Variants in SGIP1 observed in about 807,000 individuals in gnomAD.
SGIP1 encodes SH3GL interacting endocytic adaptor 1, also known as SH3-containing GRB2-like protein 3-interacting protein 1.
Under a neutral mutation model 107.5 loss-of-function variants are expected in SGIP1, and 38 were observed. The ratio of observed to expected loss-of-function variants is 0.35; its 90% CI spans 0.27 to 0.46. The LOEUF is 0.46. SGIP1 is among the 20% of genes least tolerant of loss of function. The pLI, the probability that SGIP1 is intolerant of heterozygous loss-of-function variation, is 1.00. For synonymous variants in SGIP1, 365 were observed against 366.1 expected (o/e 1.00, Z 0.03); for missense variants, 929 against 1,019.5 (o/e 0.91, Z 1.21).
intron 18 of SGIP1, among the ~76,000 whole-genome samples, chr1:66,715,430 T>C (rs926791308): frequency 3.3e-5 from 5 of 151,866 alleles, no homozygotes; most frequent in Non-Finnish European, 7.4e-5. Flanking sequence ...ATAAGGACTA[T>C]AGTGCCCAGA....
At chr1:66,537,870 C>A (rs1392996545) in intron 1 of SGIP1, among the ~76,000 whole-genome samples, 1 of 151,942 alleles carries the variant, frequency 6.6e-6, no homozygotes, top group African/African-American at 2.4e-5. Flanking sequence ...GAACCTACAT[C>A]CATTTAACCA....
intron 17 of SGIP1, among the ~76,000 whole-genome samples, chr1:66,693,621 A>G (rs2090320859): frequency 6.6e-6 from 1 of 152,222 alleles, no homozygotes; most frequent in South Asian, 2.1e-4. Flanking sequence ...AAGTTGTAAT[A>G]GTATGCATAA....
intron 18 of SGIP1, chr1:66,704,532 T>C (rs1249431435): frequency 6.6e-6 from 1 of 152,238 alleles, no homozygotes; most frequent in Non-Finnish European, 1.5e-5. Flanking sequence ...ATTTGACATA[T>C]AATTTCAAAC....
intron 1 of SGIP1, among the ~76,000 whole-genome samples, chr1:66,573,229 G>A (rs143245278): frequency 3.8e-4 from 58 of 151,976 alleles, no homozygotes; most frequent in African/African-American, 1.3e-3. Flanking sequence ...TGGTTTATCA[G>A]TCAGAATGGC....
intron 7 of SGIP1, among the ~76,000 whole-genome samples, chr1:66,659,908 G>C (rs1332457361): frequency 2.1e-5 from 3 of 143,056 alleles, no homozygotes; most frequent in Non-Finnish European, 4.5e-5. Context: ...GACAGACTCT[G>C]TCAGAAACAG....
intron 18 of SGIP1, among the ~76,000 whole-genome samples, chr1:66,712,386 G>A (rs1175897243): frequency 6.6e-6 from 1 of 152,140 alleles, no homozygotes; most frequent in Non-Finnish European, 1.5e-5. Flanking sequence ...ACGGAAAATG[G>A]AGAAAGTGCA....
rs1456317538 is a variant in SGIP1, at chr1:66,589,819, A to G, written c.11-36028A>G. ...TATACAAATCTCAAATATTTTTCTG[A>G]CTACCAAGGTTCTACTACATCCTTT... On this transcript the variant is annotated intron_variant, in intron 1 of 24. Coordinates refer to ENST00000371037, the MANE Select transcript of SGIP1 (RefSeq NM_032291.4). 3.9e-5 allele frequency among the ~76,000 whole-genome samples: 6 copies of G among 152,278 alleles called. No individual in the cohort carries two copies. The East Asian group carries it at 1.2e-3, about 29-fold the overall frequency.
At chr1:66,667,464 G>A in intron 8 of SGIP1, 66 bp from the exon 9 acceptor site, 1 of 1,475,192 alleles carries the variant, frequency 6.8e-7, no homozygotes, top group African/African-American at 1.4e-5. Flanking sequence ...TGTTACCCAA[G>A]ACTGTTGACT....
chr1:66,561,244 C>T (rs2058899130), intron 1 of SGIP1, among the ~76,000 whole-genome samples: 1 of 152,052 alleles, frequency 6.6e-6, no homozygotes. Flanking sequence ...TGCTCAGTGA[C>T]ATTCACTTTG....
rs570047956 is a variant in SGIP1, at chr1:66,743,164, T to C, written c.*69T>C. On this transcript the variant is annotated 3_prime_UTR_variant, in exon 25 of 25. Transcript: ENST00000371037. Reference sequence around the variant, plus strand: ...CTGATGTATGAGAAACAGATTTTAATTTTGGTTTGATGAAAACAAACCAAT... The same window carrying C: ...CTGATGTATGAGAAACAGATTTTAACTTTGGTTTGATGAAAACAAACCAAT... 2.1e-4 allele frequency: 335 copies of C among 1,577,470 alleles called. No individual in the cohort carries two copies. Among genetic ancestry groups the C allele is most frequent in the Non-Finnish European group, 2.7e-4 (311 of 1,152,576 alleles).
intron 1 of SGIP1, among the ~76,000 whole-genome samples, chr1:66,594,630 T>C (rs1287922710): frequency 6.6e-6 from 1 of 152,086 alleles, no homozygotes; most frequent in Non-Finnish European, 1.5e-5. Flanking sequence ...TCACCAGAGA[T>C]TTGCATATAA....
chr1:66,551,360 A>G (rs1450864059), intron 1 of SGIP1, among the ~76,000 whole-genome samples: 1 of 152,128 alleles, frequency 6.6e-6, no homozygotes, highest in Non-Finnish European at 1.5e-5. Flanking sequence ...TTAACAATCT[A>G]TTGGGCGCAT....
chr1:66,597,258 T>C (rs1315101943), intron 1 of SGIP1, among the ~76,000 whole-genome samples: 3 of 152,220 alleles, frequency 2.0e-5, no homozygotes, highest in African/African-American at 7.2e-5. Context: ...CCCTTCTTTG[T>C]GTTCATGAGT....
chr1:66,694,493 A>T, intron 17 of SGIP1: 2 of 1,604,500 alleles, frequency 1.2e-6, no homozygotes, highest in Non-Finnish European at 1.7e-6. Context: ...AGGCGCTGTG[A>T]AACGCCTGCA....
intron 15 of SGIP1, among the ~76,000 whole-genome samples, chr1:66,688,084 G>A (rs748326298): frequency 6.6e-6 from 1 of 152,128 alleles, no homozygotes; most frequent in Non-Finnish European, 1.5e-5. Flanking sequence ...CCAGTTTTGT[G>A]ATGTGTTGTT....
chr1:66,693,562 T>C (rs1299893047), intron 17 of SGIP1, among the ~76,000 whole-genome samples: 1 of 152,238 alleles, frequency 6.6e-6, no homozygotes, highest in Non-Finnish European at 1.5e-5. Context: ...CTTCTCTGCA[T>C]TTTTCTTTCT....
At chr1:66,672,061 TCTC>T (rs1394005615) in intron 11 of SGIP1, 66 bp downstream of exon 11, 1 of 1,482,108 alleles carries the variant, frequency 6.7e-7, no homozygotes, top group Non-Finnish European at 9.4e-7. Flanking sequence ...ATTAAGCAAA[TCTC>T]CTTTGAGCTA....
intron 1 of SGIP1, among the ~76,000 whole-genome samples, chr1:66,602,991 G>A (rs1000669616): frequency 4.6e-5 from 7 of 152,170 alleles, no homozygotes; most frequent in Non-Finnish European, 1.0e-4. Context: ...AAACAATGGG[G>A]TTTGTTTTTG....
chr1:66,721,184 A>G (rs189015268), intron 19 of SGIP1, among the ~76,000 whole-genome samples: 1 of 152,304 alleles, frequency 6.6e-6, no homozygotes, highest in East Asian at 1.9e-4. Flanking sequence ...GCTACCTCCT[A>G]TAGAGCATAC....
Sources: allele counts gnomAD v4.1 joint callset (sites outside exome capture counted in the v4.1 genomes callset), GRCh38; gene constraint gnomAD v4.1.1; transcripts MANE v1.5; gene names NCBI Gene and HGNC (gene_info 2026-07-23, HGNC 2026-07-21).